TBL1Y: variants seen among roughly 807,000 people sequenced by gnomAD.
TBL1Y encodes the protein F-box-like/WD repeat-containing protein TBL1Y.
A neutral mutation model predicts 12.0 loss-of-function variants in TBL1Y; 15 were observed. The ratio of observed to expected loss-of-function variants is 1.25; its 90% CI spans 0.83 to 1.92. The LOEUF (loss-of-function observed/expected upper bound fraction) is 1.92, where lower values mean the gene tolerates loss of function less well. TBL1Y is among the 40% of genes most tolerant of loss of function. The pLI, the probability that TBL1Y is intolerant of heterozygous loss-of-function variation, is 0.00. For synonymous variants in TBL1Y, 53 were observed against 42.6 expected, an observed-to-expected ratio of 1.24 and a Z score of -0.95; for missense variants, 148 against 116.7, an observed-to-expected ratio of 1.27 and a Z score of -1.24.
intron 6 of TBL1Y, among the ~76,000 whole-genome samples, chrY:7,032,253 G>T: frequency 3.0e-5 from 1 of 32,789 alleles, no homozygotes; most frequent in African/African-American, 1.2e-4. Context: ...GGTGTTCAAG[G>T]CTGCAGTGAA....
chrY:7,055,104 C>A, intron 7 of TBL1Y, among the ~76,000 whole-genome samples: 1 of 34,158 alleles, frequency 2.9e-5, no homozygotes, highest in Non-Finnish European at 7.3e-5. Context: ...TTAAATACCC[C>A]CAGAGGATTC....
chrY:6,941,349 C>T (rs2011950987), intron 2 of TBL1Y, among the ~76,000 whole-genome samples: 1 of 32,733 alleles, frequency 3.1e-5, no homozygotes, highest in Non-Finnish European at 7.5e-5. Flanking sequence ...GGAGAAACCC[C>T]GTCTCTACTA....
At chrY:6,967,974 C>T (rs894400275) in intron 2 of TBL1Y, among the ~76,000 whole-genome samples, 2 of 33,101 alleles carry the variant, frequency 6.0e-5, no homozygotes, top group South Asian at 1.4e-3. Context: ...TCCCAGGTCA[C>T]GGGGCCGGCA....
intron 7 of TBL1Y, among the ~76,000 whole-genome samples, chrY:7,047,072 G>A: frequency 3.0e-5 from 1 of 33,134 alleles, no homozygotes; most frequent in Non-Finnish European, 7.4e-5. Flanking sequence ...ATGGAGGGAC[G>A]CTTCTCAGTT....
chrY:7,061,598 C>T (rs922326898), intron 7 of TBL1Y, among the ~76,000 whole-genome samples: 15 of 32,213 alleles, frequency 4.7e-4, no homozygotes, highest in South Asian at 1.5e-3. Context: ...CTGCTTATAC[C>T]GCTGTTCTCC....
intron 8 of TBL1Y, among the ~76,000 whole-genome samples, chrY:7,064,522 G>C: frequency 5.9e-5 from 2 of 33,719 alleles, no homozygotes; most frequent in Non-Finnish European, 1.5e-4. Flanking sequence ...TAATCATTGA[G>C]TTCATGGTTC....
chrY:6,964,518 C>T (rs969044778), intron 2 of TBL1Y, among the ~76,000 whole-genome samples: 2 of 33,213 alleles, frequency 6.0e-5, no homozygotes, highest in Non-Finnish European at 1.5e-4. Context: ...CTGTTCCTAG[C>T]AATTGATCTG....
chrY:7,063,993 G>A lies in TBL1Y; in HGVS notation c.301G>A (p.Glu101Lys), dbSNP rs764016891. 10 of 396,500 alleles carry A rather than the reference G, an allele frequency of 2.5e-5. No individual in the cohort carries two copies. The highest frequency in any genetic ancestry group is 5.9e-4 in the Middle Eastern group (1 of 1,706). The change falls in exon 8 of 19, where the codon GAG (glutamate) becomes AAG (lysine). Residue 101 changes from glutamate (E) to lysine (K), a missense_variant. By Grantham distance (56) the Glu-to-Lys change is moderately conservative. Transcript: ENST00000383032. ...VVQMRQQAFG[E>K]KLTQQQASAA... is the part of the protein sequence containing the mutation. ...GCAGATGCGGCAGCAGGCATTTGGA[G>A]AGAAGCTCACTCAGCAGCAAGCCAG... is the stretch of plus-strand genomic sequence containing the variant.
intron 3 of TBL1Y, among the ~76,000 whole-genome samples, chrY:6,991,285 T>A (rs1603035000): frequency 1.8e-4 from 6 of 33,594 alleles, no homozygotes; most frequent in African/African-American, 4.7e-4. Context: ...AGGATATTCT[T>A]CTTAGATGTG....
intron 4 of TBL1Y, among the ~76,000 whole-genome samples, chrY:7,019,767 A>G (rs2012572152): frequency 3.0e-5 from 1 of 33,429 alleles, no homozygotes; most frequent in Non-Finnish European, 7.4e-5. Context: ...GCCCTGTTTC[A>G]TCTCCACTGC....
chrY:7,014,851 G>A (rs2012540414), intron 4 of TBL1Y, among the ~76,000 whole-genome samples: 4 of 32,927 alleles, frequency 1.2e-4, no homozygotes, highest in Non-Finnish European at 2.2e-4. Context: ...GGTAACATAC[G>A]AGGAAATAAT....
At chrY:7,072,241 C>CT (rs2013040056) in intron 12 of TBL1Y, among the ~76,000 whole-genome samples, 1 of 33,425 alleles carries the variant, frequency 3.0e-5, no homozygotes, top group Non-Finnish European at 7.4e-5. Flanking sequence ...TCTTGGATCT[C>CT]TTAGGCTTTG....
At position 7,080,849 on chromosome Y, in the gene TBL1Y, A is replaced by G. The variant is rs1308634884; in HGVS notation, c.1073A>G (p.His358Arg). 10 of 396,765 alleles carry G rather than the reference A, an allele frequency of 2.5e-5. No individual in the cohort carries two copies. Among genetic ancestry groups the G allele is most frequent in the Non-Finnish European group, 3.2e-5 (9 of 283,166 alleles). The change falls in exon 14 of 19, where the codon CAC becomes CGC. Residue 358 changes from histidine to arginine, a missense_variant. His to Arg is a conservative substitution (Grantham distance 29). Coordinates refer to ENST00000383032, the MANE Select transcript of TBL1Y (RefSeq NM_033284.2). Reference sequence around the variant, plus strand: ...CACCCAGTCAAAACCTTCCAGGGACACACAGTAAGTGAGAGCTCTTGTCAC... The same window carrying G: ...CACCCAGTCAAAACCTTCCAGGGACGCACAGTAAGTGAGAGCTCTTGTCAC... ...CDHPVKTFQG[H>R]TNEVNAIKWD...
intron 4 of TBL1Y, among the ~76,000 whole-genome samples, chrY:6,998,195 G>A: frequency 5.9e-5 from 2 of 33,838 alleles, no homozygotes; most frequent in East Asian, 7.7e-4. Context: ...GCTGCCTATC[G>A]CGTTCCTGTT....
chrY:7,014,258 G>T (rs2012535533), intron 4 of TBL1Y, among the ~76,000 whole-genome samples: 1 of 31,908 alleles, frequency 3.1e-5, no homozygotes, highest in African/African-American at 1.2e-4. Flanking sequence ...AGATTTGGTC[G>T]TTTAAAAGTG....
chrY:7,067,850 C>A, intron 8 of TBL1Y, among the ~76,000 whole-genome samples: 2 of 33,167 alleles, frequency 6.0e-5, no homozygotes, highest in Non-Finnish European at 1.5e-4. Flanking sequence ...GACACTCAGC[C>A]TTCTTATCAG....
At chrY:6,981,331 A>G (rs1603033347) in intron 3 of TBL1Y, among the ~76,000 whole-genome samples, 3 of 33,387 alleles carry the variant, frequency 9.0e-5, no homozygotes, top group East Asian at 1.5e-3. Flanking sequence ...TGAAAATAAT[A>G]TTACTCTGAG....
intron 2 of TBL1Y, among the ~76,000 whole-genome samples, chrY:6,938,430 G>A: frequency 3.0e-5 from 1 of 33,796 alleles, no homozygotes; most frequent in Non-Finnish European, 7.3e-5. Context: ...GGAAGCTCTA[G>A]GGGAGAATTG....
chrY:6,968,671 A>C, intron 2 of TBL1Y, among the ~76,000 whole-genome samples: 2 of 33,102 alleles, frequency 6.0e-5, no homozygotes, highest in Non-Finnish European at 1.5e-4. Context: ...TCTATTTTCT[A>C]ATTTCATTAT....
Sources: allele counts gnomAD v4.1 joint callset (sites outside exome capture counted in the v4.1 genomes callset), GRCh38; gene constraint gnomAD v4.1.1; transcripts MANE v1.5; gene names NCBI Gene and HGNC (gene_info 2026-07-23, HGNC 2026-07-21).